Variants in ASIP observed in about 807,000 individuals in gnomAD.
ASIP encodes agouti-signaling protein.
Under a neutral mutation model 10.3 loss-of-function variants are expected in ASIP, and 11 were observed. The ratio of observed to expected loss-of-function variants is 1.07; its 90% CI spans 0.68 to 1.78. The LOEUF (loss-of-function observed/expected upper bound fraction) is 1.78. Ranked by LOEUF, ASIP falls within the 40% of genes most tolerant of loss-of-function variation. ASIP has a pLI of 0.00. For synonymous variants in ASIP, 70 were observed against 70.8 expected, an observed-to-expected ratio of 0.99 and a Z score of 0.06; for missense variants, 180 against 169.2, an observed-to-expected ratio of 1.06 and a Z score of -0.35.
intron 1 of ASIP, among the ~76,000 whole-genome samples, chr20:34,218,686 A>ATT (rs796481214): frequency 7.6e-4 from 110 of 145,558 alleles, no homozygotes; most frequent in African/African-American, 2.6e-3. Context: ...CTTTTCAGCA[A>ATT]TTTTTTTTTT....
At chr20:34,189,251 C>CA in the ASIP span, among the ~76,000 whole-genome samples, 1 of 151,370 alleles carries the variant, frequency 6.6e-6, no homozygotes, top group African/African-American at 2.4e-5. Flanking sequence ...GGTTTGTTTT[C>CA]TTTTTTTTGA....
chr20:34,214,785 A>G, intron 1 of ASIP: 1 of 1,473,076 alleles, frequency 6.8e-7, no homozygotes, highest in African/African-American at 1.4e-5. Context: ...AGAGCACTGT[A>G]AGCTGTTTCA....
At chr20:34,259,039 C>A (rs1369694706) in intron 1 of ASIP, among the ~76,000 whole-genome samples, 1 of 147,778 alleles carries the variant, frequency 6.8e-6, no homozygotes, top group Non-Finnish European at 1.5e-5. Flanking sequence ...TTCATCCCTA[C>A]AAAAAAAAAT....
At chr20:34,202,665 T>C (rs2034907608) in intron 1 of ASIP, among the ~76,000 whole-genome samples, 1 of 152,188 alleles carries the variant, frequency 6.6e-6, no homozygotes, top group Non-Finnish European at 1.5e-5. Context: ...TCTCCATTCT[T>C]TTCCATTTGT....
chr20:34,222,773 C>T (rs1243058324), intron 1 of ASIP, among the ~76,000 whole-genome samples: 1 of 145,202 alleles, frequency 6.9e-6, no homozygotes, highest in African/African-American at 2.5e-5. Context: ...CGAGTGCCTG[C>T]AATTGCAGGC....
chr20:34,222,648 G>GTCTCCCTCTCCC, intron 1 of ASIP, among the ~76,000 whole-genome samples: 1 of 143,628 alleles, frequency 7.0e-6, no homozygotes, highest in Non-Finnish European at 1.5e-5. Flanking sequence ...CTCCCTCTCC[G>GTCTCCCTCTCCC]TCTCCCTCTC....
chr20:34,238,806 C>G (rs1480971521), upstream of ASIP, among the ~76,000 whole-genome samples: 1 of 151,970 alleles, frequency 6.6e-6, no homozygotes, highest in African/African-American at 2.4e-5. Flanking sequence ...TCAGGGTTTA[C>G]TTTATTTTGT....
At chr20:34,246,218 T>C (rs2035372570) in intron 1 of ASIP, 11 of 1,484,060 alleles carry the variant, frequency 7.4e-6, no homozygotes, top group Non-Finnish European at 1.0e-5. Flanking sequence ...TGGTATGGTC[T>C]TCTTTTTTTG....
At chr20:34,197,594 G>A (rs1388257897) in intron 1 of ASIP, among the ~76,000 whole-genome samples, 3 of 152,266 alleles carry the variant, frequency 2.0e-5, no homozygotes, top group East Asian at 1.9e-4. Flanking sequence ...GTGGGTATCC[G>A]CTTATTTCAT....
rs939036987 is a variant in ASIP at position 34,216,720 on chromosome 20, A to G, written c.-11+21960A>G. 2.0e-5 allele frequency among the ~76,000 whole-genome samples: 3 copies of G among 152,194 alleles called. No homozygotes were observed. In the East Asian group the frequency reaches 5.8e-4, roughly 29 times the overall value. The stretch of plus-strand genomic sequence containing the variant: ...AATTGATCTGATGCCTTGGTTGATA[A>G]TCAGTTGACTATATATGTATAGATC... On this transcript the variant is annotated intron_variant, in intron 1 of 3. Transcript: ENST00000568305.
At chr20:34,203,142 T>A (rs1044542216) in intron 1 of ASIP, among the ~76,000 whole-genome samples, 8 of 152,174 alleles carry the variant, frequency 5.3e-5, no homozygotes, top group African/African-American at 1.4e-4. Flanking sequence ...TTAGGATAAC[T>A]TTATAAATTC....
intron 1 of ASIP, among the ~76,000 whole-genome samples, chr20:34,218,183 T>C (rs1295747536): frequency 6.6e-6 from 1 of 152,220 alleles, no homozygotes; most frequent in Admixed American, 6.5e-5. Context: ...TTAACTTTGT[T>C]TTGGAAGATA....
chr20:34,252,578 C>T (rs879840106), intron 1 of ASIP, among the ~76,000 whole-genome samples: 3 of 152,064 alleles, frequency 2.0e-5, no homozygotes, highest in Admixed American at 6.5e-5. Flanking sequence ...TGGGAATGGT[C>T]GGCTGTACAC....
intron 1 of ASIP, chr20:34,214,601 G>T: frequency 7.7e-7 from 1 of 1,297,608 alleles, no homozygotes; most frequent in Non-Finnish European, 1.1e-6. Flanking sequence ...GAGGCCAGTA[G>T]TAACTCTCGT....
rs2034848990 is a variant in ASIP at position 34,195,409 on chromosome 20, A to C, written c.-11+649A>C. On this transcript the variant is annotated intron_variant, in intron 1 of 3. Coordinates refer to the ASIP transcript ENST00000568305. ...CTCTGTGAAAATGAGGAAGAATCTG[A>C]TCCACGATGAAGGTAAGGAGTGCAT... Among the ~76,000 whole-genome samples the C allele has an allele frequency of 2.0e-5, 3 of 152,172 alleles. No individual in the cohort carries two copies. In the South Asian group the frequency reaches 6.2e-4, roughly 32 times the overall value.
chr20:34,260,534 G>A lies in ASIP; in HGVS notation c.160G>A (p.Ala54Thr). 6.2e-7 allele frequency: 1 copy of A among 1,608,762 alleles called. No homozygotes were observed. The highest frequency in any genetic ancestry group is 1.1e-5 in the South Asian group (1 of 90,414). The change falls in exon 2 of 4, where the codon GCG (alanine) becomes ACG (threonine). Residue 54 changes from alanine (A) to threonine (T), a missense_variant and splice_region_variant. Physicochemically the swap from Ala to Thr is moderately conservative, Grantham distance 58. Coordinates refer to ENST00000374954, the MANE Select transcript of ASIP (RefSeq NM_001672.3). ...GGATGTCCCTTCTGTCTCTATTGTG[G>A]GTAAGTCACCTAGCCTCTGGGCTCT... ...LLDVPSVSIV[A>T]LNKKSKQIGR...
intron 1 of ASIP, among the ~76,000 whole-genome samples, chr20:34,251,595 C>T (rs2035478571): frequency 6.6e-6 from 1 of 152,188 alleles, no homozygotes; most frequent in Non-Finnish European, 1.5e-5. Flanking sequence ...ACTATTTAAG[C>T]TGCCCAGTGG....
chr20:34,196,450 G>A (rs2034858013), intron 1 of ASIP, among the ~76,000 whole-genome samples: 1 of 152,056 alleles, frequency 6.6e-6, no homozygotes, highest in African/African-American at 2.4e-5. Flanking sequence ...TGGGATTACA[G>A]GCGTGAGCCA....
rs551731886 is a variant in ASIP at position 34,258,969 on chromosome 20, T to C, written c.-10-1396T>C. 2.1e-5 allele frequency among the ~76,000 whole-genome samples: 3 copies of C among 145,190 alleles called. No homozygotes were observed. The Admixed American group carries it at 2.2e-4, about 11-fold the overall frequency. ...GAGTGGTGGCTCACTTTGGGAGGCT[T>C]AGGTGGGAGGATCACTTGAGCCCAG... On this transcript the variant is annotated intron_variant, in intron 1 of 3. Transcript: ENST00000374954.
Sources: allele counts gnomAD v4.1 joint callset (sites outside exome capture counted in the v4.1 genomes callset), GRCh38; gene constraint gnomAD v4.1.1; transcripts MANE v1.5; gene names NCBI Gene and HGNC (gene_info 2026-07-23, HGNC 2026-07-21).